Variants in USH2A observed in about 807,000 individuals in gnomAD.
USH2A encodes the protein usherin.
USH2A carries 443 observed loss-of-function variants against 538.9 expected under a neutral mutation model. The ratio of observed to expected loss-of-function variants is 0.82; its 90% CI spans 0.76 to 0.89. The LOEUF (loss-of-function observed/expected upper bound fraction) is 0.89. Ranked by LOEUF, USH2A falls within the 40% of genes least tolerant of loss-of-function variation. The pLI is 0.00. For missense variants in USH2A, 6,633 were observed against 6,324.8 expected (o/e 1.05, Z -1.65); for synonymous variants, 2,413 against 2,273.5 (o/e 1.06, Z -1.75).
chr1:215,816,985 G>A lies in USH2A; in HGVS notation c.9570+12C>T, dbSNP rs774373184. The stretch of plus-strand genomic sequence containing the variant: ...AAAAACATGGTTCACTGATTAGTTA[G>A]AAAAGACTTACCTTAGCTTCAGAAG... On this transcript the variant is annotated intron_variant, in intron 48 of 71. Coordinates refer to ENST00000307340, the MANE Select transcript of USH2A (RefSeq NM_206933.4). 6 of 1,611,788 alleles carry A rather than the reference G, an allele frequency of 3.7e-6. No individual in the cohort carries two copies. The highest frequency in any genetic ancestry group is 2.2e-5 in the South Asian group (2 of 91,044).
At chr1:216,149,551 C>T (rs932293341) in intron 21 of USH2A, among the ~76,000 whole-genome samples, 1 of 152,180 alleles carries the variant, frequency 6.6e-6, no homozygotes, top group Non-Finnish European at 1.5e-5. Flanking sequence ...AGAGTCAGAG[C>T]CTGTCCCCGA....
intron 32 of USH2A, among the ~76,000 whole-genome samples, chr1:216,039,400 T>C (rs897460894): frequency 6.6e-6 from 1 of 151,960 alleles, no homozygotes; most frequent in Admixed American, 6.6e-5. Flanking sequence ...AAGGGAAACA[T>C]GGTATGACCT....
At chr1:215,975,912 A>G (rs1667610211) in intron 35 of USH2A, among the ~76,000 whole-genome samples, 1 of 152,120 alleles carries the variant, frequency 6.6e-6, no homozygotes, top group African/African-American at 2.4e-5. Context: ...TTTGGGCACT[A>G]TGGCCATTTT....
intron 38 of USH2A, among the ~76,000 whole-genome samples, chr1:215,907,813 T>C (rs1433513262): frequency 6.6e-6 from 1 of 151,976 alleles, no homozygotes; most frequent in Non-Finnish European, 1.5e-5. Flanking sequence ...GGAAAGATCC[T>C]ATAAAAACTG....
chr1:216,406,422 G>A (rs1487585114), intron 3 of USH2A, among the ~76,000 whole-genome samples: 1 of 152,000 alleles, frequency 6.6e-6, no homozygotes, highest in Non-Finnish European at 1.5e-5. Flanking sequence ...TACTTTCATG[G>A]GCATATATTT....
intron 34 of USH2A, among the ~76,000 whole-genome samples, chr1:215,995,279 C>T (rs1282919287): frequency 6.6e-6 from 1 of 152,066 alleles, no homozygotes; most frequent in South Asian, 2.1e-4. Flanking sequence ...ATCCATAAAC[C>T]AGTAACTTGA....
Position 215,674,302 on chromosome 1 carries a change from G to T in USH2A, c.13609C>A (p.Pro4537Thr). The T allele has an allele frequency of 6.2e-7, 1 of 1,613,986 alleles. No homozygotes were observed. The highest frequency in any genetic ancestry group is 8.5e-7 in the Non-Finnish European group (1 of 1,179,986). The change falls in exon 63 of 72, where the codon CCT (proline) becomes ACT (threonine). Residue 4537 changes from proline to threonine, a missense_variant. Physicochemically the swap from Pro to Thr is conservative, Grantham distance 38. Coordinates refer to ENST00000307340, the MANE Select transcript of USH2A (RefSeq NM_206933.4). ...TSPSAPSGMEPPKLQARGPQE... is the reference protein window; with the variant it reads ...TSPSAPSGMETPKLQARGPQE... ...GGACCCCTGGCCTGCAATTTTGGAGGTTCCATCCCTGAGGGTGCTGAGGGG... is the reference window on the plus strand; with the variant it reads ...GGACCCCTGGCCTGCAATTTTGGAGTTTCCATCCCTGAGGGTGCTGAGGGG...
chr1:215,777,447 A>G (rs922928059), intron 55 of USH2A, among the ~76,000 whole-genome samples: 2 of 152,226 alleles, frequency 1.3e-5, no homozygotes, highest in African/African-American at 4.8e-5. Context: ...TTAAGTTGAT[A>G]GATACTACAA....
intron 22 of USH2A, among the ~76,000 whole-genome samples, chr1:216,094,516 C>T (rs57958865): frequency 0.04 from 6,019 of 152,054 alleles, 415 homozygotes; most frequent in African/African-American, 0.14. Context: ...CAAAGATTCT[C>T]ATTTGGCACT....
At chr1:215,889,395 A>C (rs1264136622) in intron 40 of USH2A, among the ~76,000 whole-genome samples, 1 of 152,212 alleles carries the variant, frequency 6.6e-6, no homozygotes, top group Non-Finnish European at 1.5e-5. Flanking sequence ...TTGTTACTAA[A>C]GTTCTAGCTT....
intron 14 of USH2A, among the ~76,000 whole-genome samples, chr1:216,227,672 A>C (rs2035588657): frequency 6.6e-6 from 1 of 152,194 alleles, no homozygotes. Context: ...AATGTAGACA[A>C]GCTGGAGGTG....
chr1:216,138,872 T>C (rs935296135), intron 21 of USH2A, among the ~76,000 whole-genome samples: 5 of 152,100 alleles, frequency 3.3e-5, no homozygotes, highest in African/African-American at 1.2e-4. Flanking sequence ...GTATTCAACA[T>C]AAATGAGCTT....
chr1:216,408,436 T>C (rs1057088953), intron 3 of USH2A, among the ~76,000 whole-genome samples: 3 of 152,182 alleles, frequency 2.0e-5, no homozygotes, highest in Admixed American at 6.6e-5. Flanking sequence ...GAACCCAATA[T>C]ATGCTATGTT....
At chr1:216,226,208 A>C (rs2035557593) in intron 14 of USH2A, among the ~76,000 whole-genome samples, 1 of 152,168 alleles carries the variant, frequency 6.6e-6, no homozygotes, top group South Asian at 2.1e-4. Flanking sequence ...ATATGGAGCT[A>C]ATTCCCCCAT....
At position 215,786,266 on chromosome 1, in the gene USH2A, G is replaced by A. The variant is rs138830470; in HGVS notation, c.10387+404C>T. ...CTCATCCTCAGAGTAGCACTGTTAG[G>A]TTTTATTATTAATCAGACAGGTTCA... is the stretch of plus-strand genomic sequence containing the variant. On this transcript the variant is annotated intron_variant, in intron 52 of 71. Coordinates refer to ENST00000307340, the MANE Select transcript of USH2A (RefSeq NM_206933.4). Among the ~76,000 whole-genome samples the A allele has an allele frequency of 4.1e-4, 63 of 152,266 alleles. 1 individual carries two copies. In the East Asian group the frequency reaches 0.011, roughly 27 times the overall value.
intron 32 of USH2A, among the ~76,000 whole-genome samples, chr1:216,017,985 C>T (rs1668757461): frequency 6.6e-6 from 1 of 151,950 alleles, no homozygotes; most frequent in Non-Finnish European, 1.5e-5. Context: ...TAGTCTCATG[C>T]TACCCTTAAG....
chr1:215,809,120 T>C (rs1472971450), intron 49 of USH2A, among the ~76,000 whole-genome samples: 1 of 152,202 alleles, frequency 6.6e-6, no homozygotes, highest in Non-Finnish European at 1.5e-5. Flanking sequence ...GTAAAGTTAC[T>C]GTATTTGTTA....
At chr1:216,238,226 T>A (rs1195944800) in intron 13 of USH2A, among the ~76,000 whole-genome samples, 2 of 152,126 alleles carry the variant, frequency 1.3e-5, no homozygotes, top group Non-Finnish European at 2.9e-5. Flanking sequence ...TAGGAAGCTG[T>A]TTTCATTATA....
At chr1:215,808,440 A>G (rs1662564557) in intron 49 of USH2A, among the ~76,000 whole-genome samples, 1 of 152,122 alleles carries the variant, frequency 6.6e-6, no homozygotes, top group African/African-American at 2.4e-5. Flanking sequence ...TGTTTTAAAA[A>G]TATTTCATTT....
Sources: gnomAD v4.1 joint callset for allele counts (sites outside exome capture counted in the v4.1 genomes callset) on GRCh38, gnomAD v4.1.1 for gene constraint, MANE v1.5 for transcripts, NCBI Gene and HGNC (gene_info 2026-07-23, HGNC 2026-07-21) for gene names.